Variants in ATXN2 observed in about 807,000 individuals in gnomAD.
ATXN2 encodes ataxin-2.
Under a neutral mutation model 138.6 loss-of-function variants are expected in ATXN2, and 37 were observed. The ratio of observed to expected loss-of-function variants is 0.27; its 90% CI spans 0.21 to 0.35. The LOEUF is 0.35. ATXN2 is among the 10% of genes least tolerant of loss of function. ATXN2 has a pLI of 1.00. For synonymous variants in ATXN2, 549 were observed against 543.7 expected (o/e 1.01, Z -0.13); for missense variants, 1,216 against 1,480.3 (o/e 0.82, Z 2.93).
At chr12:111,561,366 C>T (rs905001012) in intron 1 of ATXN2, among the ~76,000 whole-genome samples, 4 of 151,310 alleles carry the variant, frequency 2.6e-5, no homozygotes, top group African/African-American at 4.9e-5. Flanking sequence ...TGGTGGCAGG[C>T]GCCTATAATC....
In ATXN2 at chr12:111,470,580, T is replaced by C; in HGVS notation, c.2687A>G (p.His896Arg). The C allele has an allele frequency of 6.2e-7, 1 of 1,614,132 alleles. No individual in the cohort carries two copies. Among genetic ancestry groups the C allele is most frequent in the Non-Finnish European group, 8.5e-7 (1 of 1,180,020 alleles). The change falls in exon 19 of 25, where the codon CAT (histidine) becomes CGT (arginine). Residue 896 changes from histidine to arginine, a missense_variant. His to Arg is a conservative substitution (Grantham distance 29). Transcript: ENST00000673436. ...TACCTGAGACTGATAATGTGGCACA[T>C]GCTGAACAAGGGGCTGATTTGGGAA... ...QQFPNQPLVQ[H>R]VPHYQSQHPH...
chr12:111,575,802 A>C (rs939251959), intron 1 of ATXN2, among the ~76,000 whole-genome samples: 5 of 152,140 alleles, frequency 3.3e-5, no homozygotes, highest in African/African-American at 1.2e-4. Context: ...ACCAATAGTC[A>C]GCCAGGCGCA....
chr12:111,568,822 T>C (rs1255736510), intron 1 of ATXN2, among the ~76,000 whole-genome samples: 1 of 152,190 alleles, frequency 6.6e-6, no homozygotes, highest in Non-Finnish European at 1.5e-5. Context: ...CTCACTTAGG[T>C]GAGTCATTTT....
rs1199255755 is a variant in ATXN2, at chr12:111,485,848, G to T, written c.2322C>A (p.Thr774=). Residue 774 remains threonine, a synonymous_variant, in exon 17 of 25, where the codon ACC becomes ACA. Coordinates refer to ENST00000673436, the MANE Select transcript of ATXN2 (RefSeq NM_001372574.1). ...GTGCTTGAGGCCGAGGTGAAGTTGGGGTAGTAGAAGGCTTTGGCTACAAAA... is the reference window on the plus strand; with the variant it reads ...GTGCTTGAGGCCGAGGTGAAGTTGGTGTAGTAGAAGGCTTTGGCTACAAAA... The part of the protein sequence containing the change: ...RSFSQPKPST[T]PTSPRPQAQP... The T allele has an allele frequency of 6.2e-7, 1 of 1,613,898 alleles. No homozygotes were observed. Among genetic ancestry groups the T allele is most frequent in the South Asian group, 1.1e-5 (1 of 91,048 alleles).
At chr12:111,502,881 T>C (rs1038937105) in intron 14 of ATXN2, among the ~76,000 whole-genome samples, 5 of 151,644 alleles carry the variant, frequency 3.3e-5, no homozygotes, top group African/African-American at 9.7e-5. Flanking sequence ...CTAAACACTT[T>C]ATAGGCAATA....
intron 12 of ATXN2, 44 bp from the exon 13 acceptor site, chr12:111,510,042 G>C: frequency 7.3e-7 from 1 of 1,365,306 alleles, no homozygotes. Flanking sequence ...AGTTAGAAAA[G>C]CAAAACAAGA....
intron 21 of ATXN2, among the ~76,000 whole-genome samples, chr12:111,462,747 A>G (rs1175954884): frequency 6.6e-6 from 1 of 152,198 alleles, no homozygotes; most frequent in African/African-American, 2.4e-5. Context: ...ACACCAAACT[A>G]CTAACAGAGA....
At chr12:111,465,601 C>T (rs1296486173) in intron 20 of ATXN2, among the ~76,000 whole-genome samples, 1 of 151,336 alleles carries the variant, frequency 6.6e-6, no homozygotes, top group Non-Finnish European at 1.5e-5. Flanking sequence ...GAAACCCCGT[C>T]TCTACTAAAA....
intron 3 of ATXN2, among the ~76,000 whole-genome samples, chr12:111,553,353 C>T (rs1478208580): frequency 6.6e-6 from 1 of 151,920 alleles, no homozygotes; most frequent in Non-Finnish European, 1.5e-5. Context: ...CCTTCAGATA[C>T]CGAATTACAT....
In ATXN2 at chr12:111,554,227, T is replaced by TAA. The variant is rs144235483; in HGVS notation, c.289-12_289-11dup. The TAA allele has an allele frequency of 3.2e-3, 3,532 of 1,105,672 alleles. No homozygotes were observed. The highest frequency in any genetic ancestry group is 3.9e-3 in the South Asian group (219 of 56,396). The allele number at this position is 1,105,672 out of a possible 1,614,324, so 68.5% of individuals were successfully genotyped here. A position where few individuals can be genotyped will look rare whatever the true frequency, so the allele number is the denominator to read the frequency against. On this transcript the variant is annotated splice_polypyrimidine_tract_variant and intron_variant, in intron 2 of 24. Transcript: ENST00000673436. ...TTCCATCAAAAGAAATCTGGAATAT[T>TAA]AAAAAAAAAAAAAACTATTAGAAAT...
At chr12:111,590,430 T>G (rs1014315387) in intron 1 of ATXN2, among the ~76,000 whole-genome samples, 4 of 152,058 alleles carry the variant, frequency 2.6e-5, no homozygotes, top group African/African-American at 9.7e-5. Context: ...AGCTCACGCC[T>G]GTAATTCCAG....
At position 111,598,040 on chromosome 12, in the gene ATXN2, C is replaced by T. The variant is rs1885025026; in HGVS notation, c.251+744G>A. 8.5e-7 allele frequency: 1 copy of T among 1,170,466 alleles called. No individual in the cohort carries two copies. Among genetic ancestry groups the T allele is most frequent in the Non-Finnish European group, 1.1e-6 (1 of 930,528 alleles). 72.5% of individuals were successfully genotyped at this position (1,170,466 alleles called of 1,614,324 possible). ...CCGGGACGGGGCCGGGCACTCCCCA[C>T]CCCTTCCCTTCCCCAGGTGGGGGAG... On this transcript the variant is annotated intron_variant, in intron 1 of 24. Transcript: ENST00000673436. The surrounding 1 kb of genome is among the most constrained non-coding windows in gnomAD (Gnocchi z 4.5).
chr12:111,525,154 G>T lies in ATXN2; in HGVS notation c.696+38C>A. 3 of 1,590,310 alleles carry T rather than the reference G, an allele frequency of 1.9e-6. No homozygotes were observed. The South Asian group carries it at 3.5e-5, about 18-fold the overall frequency. ...CAACCAAGTGACAGGATGTCATACT[G>T]ACCAGAGTCTAGCAATAATTACAAA... On this transcript the variant is annotated intron_variant, in intron 6 of 24. Coordinates refer to ENST00000673436, the MANE Select transcript of ATXN2 (RefSeq NM_001372574.1).
intron 10 of ATXN2, among the ~76,000 whole-genome samples, chr12:111,515,044 G>C (rs1592852064): frequency 6.6e-6 from 1 of 152,070 alleles, no homozygotes; most frequent in African/African-American, 2.4e-5. Context: ...AATATCAACA[G>C]AATTTTGCAT....
Position 111,516,203 on chromosome 12 carries a change from A to T in ATXN2, c.1326T>A (p.His442Gln). The T allele has an allele frequency of 6.3e-7, 1 of 1,584,320 alleles. No individual in the cohort carries two copies. Among genetic ancestry groups the T allele is most frequent in the Non-Finnish European group, 8.5e-7 (1 of 1,170,916 alleles). Residue 442 changes from histidine to glutamine, a missense_variant, in exon 10 of 25, where the codon CAT becomes CAA. Around this residue, in one of 4 missense-constraint regions of ATXN2, gnomAD observed 401 missense variants for 528.1 expected, o/e 0.76. Transcript: ENST00000673436. This position sits in a 1 kb window ranked among gnomAD's most constrained non-coding sequence, Gnocchi z 5.0. ...PSRPPSHPSAHGSPAPVSTMP... is the reference protein window; with the variant it reads ...PSRPPSHPSAQGSPAPVSTMP... The stretch of plus-strand genomic sequence containing the variant: ...TAGTAGAGACAGGAGCTGGAGAACC[A>T]TGAGCAGAGGGGTGAGACGGGGGTC...
rs776634254 is a variant in ATXN2 at position 111,599,058 on chromosome 12, C to A, written c.-24G>T. Reference sequence around the variant, plus strand: ...ATGGTGAGGGGCCCATACACCGGCTCGCACGCCGGGCGGGGACAGCCGGGA... The same window carrying A: ...ATGGTGAGGGGCCCATACACCGGCTAGCACGCCGGGCGGGGACAGCCGGGA... On this transcript the variant is annotated 5_prime_UTR_variant, in exon 1 of 25. Transcript: ENST00000673436. 92 of 1,446,430 alleles carry A rather than the reference C, an allele frequency of 6.4e-5. 1 individual carries two copies. In the South Asian group the frequency reaches 1.2e-3, roughly 19 times the overall value. 89.6% of individuals were successfully genotyped at this position (1,446,430 alleles called of 1,614,324 possible). A position where few individuals can be genotyped will look rare whatever the true frequency, so the allele number is the denominator to read the frequency against.
At chr12:111,579,819 C>G (rs540023777) in intron 1 of ATXN2, among the ~76,000 whole-genome samples, 2 of 151,544 alleles carry the variant, frequency 1.3e-5, no homozygotes, top group East Asian at 1.9e-4. Context: ...CTGTCTCAGC[C>G]CCCCCGAGTA....
In ATXN2 at chr12:111,552,782, T is replaced by C. The variant is rs2135786347; in HGVS notation, c.420+124A>G. ...CTCTCTGATTACACAAACCAGTCTA[T>C]AAAATAATCAGTATTTGAAACTGAG... is the stretch of plus-strand genomic sequence containing the variant. On this transcript the variant is annotated intron_variant, in intron 4 of 24. Coordinates refer to ENST00000673436, the MANE Select transcript of ATXN2 (RefSeq NM_001372574.1). This position sits in a 1 kb window ranked among gnomAD's most constrained non-coding sequence, Gnocchi z 4.1. The C allele has an allele frequency of 3.0e-6, 2 of 656,978 alleles. No homozygotes were observed. The highest frequency in any genetic ancestry group is 6.1e-5 in the East Asian group (2 of 32,588). The allele number at this position is 656,978 out of a possible 1,614,324, so 40.7% of individuals were successfully genotyped here. A position where few individuals can be genotyped will look rare whatever the true frequency, so the allele number is the denominator to read the frequency against.
chr12:111,552,678 CA>C lies in ATXN2; in HGVS notation c.420+227del, dbSNP rs1882184895. The C allele has an allele frequency of 3.7e-6, 2 of 547,852 alleles. No homozygotes were observed. The highest frequency in any genetic ancestry group is 6.1e-6 in the Non-Finnish European group (2 of 327,166). The allele number at this position is 547,852 out of a possible 1,614,324, so 33.9% of individuals were successfully genotyped here. A position where few individuals can be genotyped will look rare whatever the true frequency, so the allele number is the denominator to read the frequency against. On this transcript the variant is annotated intron_variant, in intron 4 of 24. Transcript: ENST00000673436. This position sits in a 1 kb window ranked among gnomAD's most constrained non-coding sequence, Gnocchi z 4.1. Reference sequence around the variant, plus strand: ...AATAATAATTTTTAAGAGGAAAAAACAAACCACCACATCCCTCTATTAGCTC... The same window carrying C: ...AATAATAATTTTTAAGAGGAAAAAACAACCACCACATCCCTCTATTAGCTC...
Sources: gnomAD v4.1 joint callset for allele counts (sites outside exome capture counted in the v4.1 genomes callset) on GRCh38, gnomAD v4.1.1 for gene constraint, gnomAD v4.1.1 regional missense constraint, Gnocchi (gnomAD v3.1) non-coding constraint, MANE v1.5 for transcripts, NCBI Gene and HGNC (gene_info 2026-07-23, HGNC 2026-07-21) for gene names.